The following CCDC171 variants were observed in gnomAD, a reference collection of about 807,000 sequenced individuals.
CCDC171 encodes the protein coiled-coil domain-containing protein 171.
CCDC171 carries 177 observed loss-of-function variants against 168.2 expected under a neutral mutation model. The ratio of observed to expected loss-of-function variants is 1.05; its 90% CI spans 0.93 to 1.19. CCDC171 has a LOEUF of 1.19. CCDC171 is among the 50% of genes most tolerant of loss of function. The pLI, the probability that CCDC171 is intolerant of heterozygous loss-of-function variation, is 0.00. For synonymous variants in CCDC171, 687 were observed against 540.8 expected (o/e 1.27, Z -3.75); for missense variants, 1,991 against 1,539.0 (o/e 1.29, Z -4.91).
At chr9:16,102,852 G>A in the CCDC171 span, among the ~76,000 whole-genome samples, 1 of 152,136 alleles carries the variant, frequency 6.6e-6, no homozygotes, top group African/African-American at 2.4e-5. Flanking sequence ...AGTTTAATGA[G>A]AGGCATCGAC....
intron 7 of CCDC171, among the ~76,000 whole-genome samples, chr9:15,627,878 A>G (rs1238009421): frequency 1.3e-5 from 2 of 151,982 alleles, no homozygotes. Flanking sequence ...ATCCTTGTTA[A>G]CTTTCGTCTA....
In CCDC171 at chr9:15,647,930, C is replaced by G. The variant is rs569551320; in HGVS notation, c.823-9197C>G. The stretch of plus-strand genomic sequence containing the variant: ...GCATCATCCTGATACCAAAGCCTGG[C>G]AGAGACACAACAAAAAAAGAGAATT... On this transcript the variant is annotated intron_variant, in intron 7 of 25. Coordinates refer to ENST00000380701, the MANE Select transcript of CCDC171 (RefSeq NM_173550.4). Among the ~76,000 whole-genome samples the G allele has an allele frequency of 3.9e-5, 6 of 152,308 alleles. No individual in the cohort carries two copies. The East Asian group carries it at 1.2e-3, about 29-fold the overall frequency.
chr9:15,942,986 G>A (rs1827897698), intron 25 of CCDC171, among the ~76,000 whole-genome samples: 1 of 151,936 alleles, frequency 6.6e-6, no homozygotes, highest in Non-Finnish European at 1.5e-5. Context: ...AGCTTTAACT[G>A]CTGAACCCAA....
intron 24 of CCDC171, among the ~76,000 whole-genome samples, chr9:15,894,726 A>G (rs1174417902): frequency 1.3e-5 from 2 of 151,984 alleles, no homozygotes; most frequent in South Asian, 4.1e-4. Flanking sequence ...TCGAATTTCC[A>G]CAAGGCTCAC....
At chr9:15,634,719 A>G (rs2046060409) in intron 7 of CCDC171, among the ~76,000 whole-genome samples, 1 of 152,234 alleles carries the variant, frequency 6.6e-6, no homozygotes, top group Non-Finnish European at 1.5e-5. Context: ...GTGTATTCAC[A>G]GCATTGTGCA....
chr9:15,623,506 C>CACAT (rs768133705), intron 7 of CCDC171, 93 bp downstream of exon 7: 5 of 656,144 alleles, frequency 7.6e-6, no homozygotes, highest in South Asian at 3.8e-5. Flanking sequence ...CACACACACA[C>CACAT]ATAAAACCCA....
intron 23 of CCDC171, among the ~76,000 whole-genome samples, chr9:15,869,245 T>C (rs2061924239): frequency 6.6e-6 from 1 of 151,892 alleles, no homozygotes; most frequent in Admixed American, 6.6e-5. Context: ...TTATTATCTG[T>C]CTGTCCATTT....
chr9:15,833,222 C>T (rs2060308036), intron 21 of CCDC171, among the ~76,000 whole-genome samples: 1 of 152,012 alleles, frequency 6.6e-6, no homozygotes. Context: ...GAACTCCTGA[C>T]CTCTGGTGAT....
intron 23 of CCDC171, among the ~76,000 whole-genome samples, chr9:15,870,768 A>G (rs1437158900): frequency 6.7e-6 from 1 of 149,134 alleles, no homozygotes; most frequent in East Asian, 2.0e-4. Flanking sequence ...ATTTAATTTC[A>G]TAGTTGATAT....
At chr9:16,000,215 T>C (rs1057239708) in intron 3 of CCDC171, among the ~76,000 whole-genome samples, 7 of 152,168 alleles carry the variant, frequency 4.6e-5, no homozygotes, top group African/African-American at 1.7e-4. Context: ...CCATATGTCT[T>C]CCAGCTAAAA....
At chr9:15,864,877 G>A (rs191991700) in intron 23 of CCDC171, among the ~76,000 whole-genome samples, 2 of 152,144 alleles carry the variant, frequency 1.3e-5, no homozygotes, top group East Asian at 1.9e-4. Context: ...GTTTGTTGTT[G>A]GATGAGTAGA....
chr9:15,840,268 C>G (rs1374811484), intron 21 of CCDC171, among the ~76,000 whole-genome samples: 1 of 151,944 alleles, frequency 6.6e-6, no homozygotes, highest in African/African-American at 2.4e-5. Flanking sequence ...TTTTCAAATT[C>G]TTTTCAGACA....
At chr9:15,619,104 C>G (rs777077628) in intron 6 of CCDC171, among the ~76,000 whole-genome samples, 5 of 152,040 alleles carry the variant, frequency 3.3e-5, no homozygotes, top group Non-Finnish European at 7.3e-5. Flanking sequence ...GCCGTTCTTC[C>G]AACTCTCCCT....
chr9:15,965,125 A>G (rs548825550), intron 25 of CCDC171, among the ~76,000 whole-genome samples: 8 of 152,306 alleles, frequency 5.3e-5, no homozygotes, highest in African/African-American at 1.7e-4. Context: ...ATAACAACAT[A>G]TAAGCTCCTT....
In CCDC171 at chr9:15,744,679, A is replaced by G. The variant is rs778821011; in HGVS notation, c.2456A>G (p.Gln819Arg). 1.9e-6 allele frequency: 3 copies of G among 1,614,176 alleles called. No individual in the cohort carries two copies. The highest frequency in any genetic ancestry group is 2.5e-6 in the Non-Finnish European group (3 of 1,180,036). The change falls in exon 17 of 26, where the codon CAA becomes CGA. Residue 819 changes from glutamine to arginine, a missense_variant. Transcript: ENST00000380701. Reference sequence around the variant, plus strand: ...GCAAACAGACTCAAGATTTTGGGCCAATCATGTGCCTCTCTTTTTACCTGG... The same window carrying G: ...GCAAACAGACTCAAGATTTTGGGCCGATCATGTGCCTCTCTTTTTACCTGG... ...LAANRLKILG[Q>R]SCASLFTWME...
Position 15,757,723 on chromosome 9 carries a change from C to T in CCDC171, c.2671+12092C>T, listed in dbSNP as rs376914154. Among the ~76,000 whole-genome samples the T allele has an allele frequency of 7.9e-5, 12 of 152,224 alleles. No individual in the cohort carries two copies. The East Asian group carries it at 2.3e-3, about 29-fold the overall frequency. On this transcript the variant is annotated intron_variant, in intron 18 of 25. Transcript: ENST00000380701. ...GAGAAAATGGTTTCATTGTCCAGTCCCAGGGTCCCCCGTGCTGTGGTCAGC... is the reference window on the plus strand; with the variant it reads ...GAGAAAATGGTTTCATTGTCCAGTCTCAGGGTCCCCCGTGCTGTGGTCAGC...
chr9:15,633,265 C>T (rs1305994219), intron 7 of CCDC171, among the ~76,000 whole-genome samples: 1 of 152,006 alleles, frequency 6.6e-6, no homozygotes, highest in East Asian at 1.9e-4. Context: ...AGTTTTGCAA[C>T]CTACTCATCT....
chr9:15,980,742 G>GTTTT (rs778644493), intron 3 of CCDC171, among the ~76,000 whole-genome samples: 5 of 141,734 alleles, frequency 3.5e-5, no homozygotes, highest in African/African-American at 1.3e-4. Flanking sequence ...TGCTCATTTG[G>GTTTT]TTTTTTTTTT....
intron 7 of CCDC171, among the ~76,000 whole-genome samples, chr9:15,638,541 A>C (rs1214054026): frequency 6.6e-6 from 1 of 152,118 alleles, no homozygotes; most frequent in Non-Finnish European, 1.5e-5. Context: ...AGCAATATCA[A>C]ACTAAAGCAA....
Sources: allele counts gnomAD v4.1 joint callset (sites outside exome capture counted in the v4.1 genomes callset), GRCh38; gene constraint gnomAD v4.1.1; transcripts MANE v1.5; gene names NCBI Gene and HGNC (gene_info 2026-07-23, HGNC 2026-07-21).